The following ANKRD30A variants were observed in gnomAD, a reference collection of about 807,000 sequenced individuals.
ANKRD30A encodes the protein ankyrin repeat domain-containing protein 30A.
In ANKRD30A, 170 loss-of-function variants were observed where a neutral mutation model predicts 166.3. The ratio of observed to expected loss-of-function variants is 1.02; its 90% CI spans 0.90 to 1.16. The LOEUF is 1.16. ANKRD30A is among the 50% of genes most tolerant of loss of function. ANKRD30A has a pLI of 0.00. For missense variants in ANKRD30A, 1,630 were observed against 1,518.0 expected, an observed-to-expected ratio of 1.07 and a Z score of -1.23; for synonymous variants, 564 against 508.9, an observed-to-expected ratio of 1.11 and a Z score of -1.46.
chr10:37,155,644 T>A (rs1430115484), intron 13 of ANKRD30A, among the ~76,000 whole-genome samples: 2 of 152,228 alleles, frequency 1.3e-5, no homozygotes, highest in Non-Finnish European at 2.9e-5. Flanking sequence ...TGATTCCAGA[T>A]CAGTTTTCTC....
chr10:37,139,403 A>G (rs927062592), intron 6 of ANKRD30A, among the ~76,000 whole-genome samples: 1 of 152,226 alleles, frequency 6.6e-6, no homozygotes, highest in African/African-American at 2.4e-5. Flanking sequence ...CTTTGAGTCA[A>G]CACACCCGTG....
rs1284941420 is a variant in ANKRD30A, at chr10:37,162,649, A to G, written c.1901A>G (p.Glu634Gly). ...ATGATAAATCTCTTTTGCTTTTTAG[A>G]GCCTCCGGGGAAGCCATCTGCCTTC... ...ELKDMQTFKA[E>G]PPGKPSAFEP... Residue 634 changes from glutamate to glycine, a missense_variant and splice_region_variant, in exon 16 of 36, where the codon GAG becomes GGG. This residue lies in a region of ANKRD30A where 904 missense variants were observed against 818.5 expected (regional missense o/e 1.10). Coordinates refer to ENST00000361713, the MANE Select transcript of ANKRD30A (RefSeq NM_052997.3). 1.9e-6 allele frequency: 3 copies of G among 1,612,030 alleles called. No individual in the cohort carries two copies. The highest frequency in any genetic ancestry group is 2.5e-6 in the Non-Finnish European group (3 of 1,179,746).
At chr10:37,200,539 G>T (rs1447060631) in intron 30 of ANKRD30A, among the ~76,000 whole-genome samples, 1 of 152,020 alleles carries the variant, frequency 6.6e-6, no homozygotes, top group Non-Finnish European at 1.5e-5. Context: ...GCAAAGGGTG[G>T]AAGTCAATAG....
intron 9 of ANKRD30A, 30 bp from the exon 10 acceptor site, chr10:37,149,621 G>C: frequency 6.2e-7 from 1 of 1,607,096 alleles, no homozygotes; most frequent in South Asian, 1.1e-5. Context: ...ACTTACTTAT[G>C]ATTGATGATA....
chr10:37,197,536 A>T, intron 29 of ANKRD30A, 56 bp downstream of exon 29: 1 of 1,609,022 alleles, frequency 6.2e-7, no homozygotes, highest in Non-Finnish European at 8.5e-7. Flanking sequence ...GAACATTTTG[A>T]TGGTCTTTCT....
In ANKRD30A at chr10:37,232,513, G is replaced by T. The variant is rs1185285768; in HGVS notation, c.*226G>T. ...TTTCTACCCAGAATTGCATAAAGCT[G>T]CACAGGATTCCCATCTACCCTGATG... is the stretch of plus-strand genomic sequence containing the variant. On this transcript the variant is annotated 3_prime_UTR_variant, in exon 36 of 36. Coordinates refer to ENST00000361713, the MANE Select transcript of ANKRD30A (RefSeq NM_052997.3). 1 of 150,242 alleles carries T rather than the reference G, an allele frequency of 6.7e-6. No individual in the cohort carries two copies. Among genetic ancestry groups the T allele is most frequent in the African/African-American group, 2.4e-5 (1 of 40,908 alleles). 9.3% of individuals were successfully genotyped at this position (150,242 alleles called of 1,614,324 possible).
chr10:37,191,401 C>T (rs1231041583), intron 25 of ANKRD30A, among the ~76,000 whole-genome samples: 1 of 151,958 alleles, frequency 6.6e-6, no homozygotes, highest in Non-Finnish European at 1.5e-5. Context: ...TGTGTGGCTT[C>T]TCAATGACAG....
chr10:37,155,374 T>C (rs192328901), intron 13 of ANKRD30A, among the ~76,000 whole-genome samples: 9 of 152,316 alleles, frequency 5.9e-5, no homozygotes, highest in Admixed American at 2.6e-4. Flanking sequence ...AATGAATATT[T>C]ATATTTAGTA....
At chr10:37,194,265 T>C (rs1422267439) in intron 27 of ANKRD30A, among the ~76,000 whole-genome samples, 1 of 152,146 alleles carries the variant, frequency 6.6e-6, no homozygotes. Context: ...TTTGTTTTCA[T>C]GTCTTATAGG....
At chr10:37,214,900 C>T (rs779291357) in intron 31 of ANKRD30A, among the ~76,000 whole-genome samples, 6 of 151,276 alleles carry the variant, frequency 4.0e-5, no homozygotes, top group Non-Finnish European at 5.9e-5. Flanking sequence ...TCTCCTCCTA[C>T]CTGTTTGGAG....
chr10:37,201,264 T>A lies in ANKRD30A; in HGVS notation c.2808T>A (p.Asp936Glu), dbSNP rs910007911. Residue 936 changes from aspartate to glutamate, a missense_variant, in exon 31 of 36, where the codon GAT becomes GAA. Transcript: ENST00000361713. ...ESLRETVSQK[D>E]VCVPKATHQK... The stretch of plus-strand genomic sequence containing the variant: ...TCCGTGAGACTGTTTCACAGAAGGA[T>A]GTGTGTGTACCCAAGGCTACACATC... 1.1e-5 allele frequency: 18 copies of A among 1,593,372 alleles called. No individual in the cohort carries two copies. Among genetic ancestry groups the A allele is most frequent in the Non-Finnish European group, 1.5e-5 (17 of 1,171,724 alleles).
In ANKRD30A at chr10:37,154,004, G is replaced by A. The variant is rs17590399; in HGVS notation, c.1798+342G>A. Among the ~76,000 whole-genome samples, 3 of 152,320 alleles carry A rather than the reference G, an allele frequency of 2.0e-5. No homozygotes were observed. In the South Asian group the frequency reaches 6.2e-4, roughly 32 times the overall value. ...AAGGAACAAGAAGCAGGTTTATATAGTGGAGGATGATAAAATGAAATGATT... is the reference window on the plus strand; with the variant it reads ...AAGGAACAAGAAGCAGGTTTATATAATGGAGGATGATAAAATGAAATGATT... On this transcript the variant is annotated intron_variant, in intron 13 of 35. Coordinates refer to ENST00000361713, the MANE Select transcript of ANKRD30A (RefSeq NM_052997.3).
At chr10:37,190,127 T>G (rs71489109) in intron 25 of ANKRD30A, among the ~76,000 whole-genome samples, 2 of 151,998 alleles carry the variant, frequency 1.3e-5, no homozygotes, top group East Asian at 1.9e-4. Context: ...CATATCTGCA[T>G]GGCCACACAT....
chr10:37,231,518 T>G lies in ANKRD30A; in HGVS notation c.*49T>G, dbSNP rs968951403. ...TTTGGAGAAACAACAGACCAGATCT[T>G]TACTCACAACTCATGCTAGGAGGCC... is the stretch of plus-strand genomic sequence containing the variant. On this transcript the variant is annotated 3_prime_UTR_variant, in exon 35 of 36. Coordinates refer to ENST00000361713, the MANE Select transcript of ANKRD30A (RefSeq NM_052997.3). The G allele has an allele frequency of 1.3e-6, 2 of 1,531,934 alleles. No homozygotes were observed. Among genetic ancestry groups the G allele is most frequent in the Middle Eastern group, 1.7e-4 (1 of 5,772 alleles). 94.9% of individuals were successfully genotyped at this position (1,531,934 alleles called of 1,614,324 possible).
intron 17 of ANKRD30A, 130 bp from the exon 18 acceptor site, chr10:37,164,964 C>A: frequency 1.1e-6 from 1 of 944,484 alleles, no homozygotes; most frequent in Non-Finnish European, 1.6e-6. Flanking sequence ...TCATTGTAAT[C>A]AACAAAAAGA....
chr10:37,238,290 G>T, the ANKRD30A span, among the ~76,000 whole-genome samples: 3 of 152,122 alleles, frequency 2.0e-5, no homozygotes, highest in Non-Finnish European at 2.9e-5. Flanking sequence ...GGCCACTTCA[G>T]CACTGCAAGA....
intron 33 of ANKRD30A, among the ~76,000 whole-genome samples, chr10:37,218,513 T>A (rs1030105293): frequency 6.6e-6 from 1 of 150,982 alleles, no homozygotes; most frequent in African/African-American, 2.4e-5. Context: ...CTATATTTTT[T>A]AAAAAGATAG....
At chr10:37,220,962 T>C (rs1842870345) in intron 34 of ANKRD30A, among the ~76,000 whole-genome samples, 1 of 151,128 alleles carries the variant, frequency 6.6e-6, no homozygotes, top group South Asian at 2.1e-4. Flanking sequence ...GTGAGGAACT[T>C]TGATGTTGAT....
chr10:37,209,048 G>T (rs1450926455), intron 31 of ANKRD30A, among the ~76,000 whole-genome samples: 1 of 151,978 alleles, frequency 6.6e-6, no homozygotes, highest in East Asian at 1.9e-4. Flanking sequence ...ATATTCCATT[G>T]TATGACTATA....
Sources: allele counts gnomAD v4.1 joint callset (sites outside exome capture counted in the v4.1 genomes callset), GRCh38; gene constraint gnomAD v4.1.1; regional missense constraint gnomAD v4.1.1; transcripts MANE v1.5; gene names NCBI Gene and HGNC (gene_info 2026-07-23, HGNC 2026-07-21).